IPPK: variants seen among roughly 807,000 people sequenced by gnomAD.
The protein encoded by IPPK is IPK1 homolog.
Under a neutral mutation model 64.6 loss-of-function variants are expected in IPPK, and 22 were observed. That is an observed-to-expected ratio of 0.34 (90% CI 0.24 to 0.49). IPPK has a LOEUF of 0.49. Among genes scored for constraint, IPPK ranks in the 20% least tolerant of loss-of-function variants. The pLI, the probability that IPPK is intolerant of heterozygous loss-of-function variation, is 0.99. For synonymous variants in IPPK, 262 were observed against 247.2 expected (o/e 1.06, Z -0.56); for missense variants, 532 against 630.7 (o/e 0.84, Z 1.68).
chr9:92,665,083 A>G (rs1433506513), intron 1 of IPPK, among the ~76,000 whole-genome samples: 1 of 152,214 alleles, frequency 6.6e-6, no homozygotes, highest in Non-Finnish European at 1.5e-5. Flanking sequence ...ACAGCTCTCC[A>G]ATGAGCTCAA....
intron 7 of IPPK, among the ~76,000 whole-genome samples, chr9:92,642,226 T>C (rs2131442712): frequency 6.6e-6 from 1 of 152,378 alleles, no homozygotes; most frequent in South Asian, 2.1e-4. Context: ...GACCGGACTC[T>C]GGGCTGCCCC....
rs373941163 is a variant in IPPK, at chr9:92,619,512, T to C, written c.1224A>G (p.Ala408=). 6.3e-7 allele frequency: 1 copy of C among 1,593,248 alleles called. No individual in the cohort carries two copies. Among genetic ancestry groups the C allele is most frequent in the Non-Finnish European group, 8.5e-7 (1 of 1,170,332 alleles). The change falls in exon 12 of 13, where the codon GCA becomes GCG. Residue 408 remains alanine, a synonymous_variant. Transcript: ENST00000287996. ...MTAKDCSIMI[A]LSPCLQDASS... ...TGGCATCCTGCAGACAGGGAGACAG[T>C]GCAATCATGATGGAGCAGTCCTTGG...
chr9:92,658,628 T>A lies in IPPK; in HGVS notation c.129+6A>T. The A allele has an allele frequency of 6.2e-7, 1 of 1,612,786 alleles. No homozygotes were observed. On this transcript the variant is annotated splice_donor_region_variant and intron_variant, in intron 2 of 12. Transcript: ENST00000287996. ...GTAAGTCTGGGTGCAAACCCACCCA[T>A]CTTACCTTCTTCCTATTTGGAGGAA...
chr9:92,634,371 GA>G lies in IPPK; in HGVS notation c.1170+14del. Reference sequence around the variant, plus strand: ...CTAAGGATCACACAGCAAGTTTTTGGATGGGTCTGCCCACCTTCGTTAGCGC... The same window carrying G: ...CTAAGGATCACACAGCAAGTTTTTGGTGGGTCTGCCCACCTTCGTTAGCGC... On this transcript the variant is annotated intron_variant, in intron 11 of 12. Transcript: ENST00000287996. 1 of 1,591,710 alleles carries G rather than the reference GA, an allele frequency of 6.3e-7. No individual in the cohort carries two copies. Among genetic ancestry groups the G allele is most frequent in the Non-Finnish European group, 8.6e-7 (1 of 1,160,616 alleles).
intron 4 of IPPK, 27 bp downstream of exon 4, chr9:92,652,546 C>A (rs7857502): frequency 3.2e-6 from 4 of 1,236,660 alleles, no homozygotes; most frequent in Non-Finnish European, 3.4e-6. Context: ...AAATTACAAA[C>A]AATATCTGTA....
At chr9:92,619,747 C>A in intron 11 of IPPK, 182 bp from the exon 12 acceptor site, 1 of 621,474 alleles carries the variant, frequency 1.6e-6, no homozygotes, top group Non-Finnish European at 2.9e-6. Context: ...AGCACCTGGG[C>A]CAGCCCTCAG....
chr9:92,626,595 T>C (rs187098761), intron 11 of IPPK, among the ~76,000 whole-genome samples: 4 of 152,230 alleles, frequency 2.6e-5, no homozygotes, highest in Non-Finnish European at 4.4e-5. Context: ...AGGTTTGACA[T>C]AGGTCAAATT....
chr9:92,668,125 G>A (rs1852638698), intron 1 of IPPK, among the ~76,000 whole-genome samples: 1 of 151,206 alleles, frequency 6.6e-6, no homozygotes, highest in Non-Finnish European at 1.5e-5. Context: ...AAAATTAGCT[G>A]GGCACGGTAG....
chr9:92,649,671 G>A, intron 4 of IPPK, 97 bp from the exon 5 acceptor site: 1 of 1,419,466 alleles, frequency 7.0e-7, no homozygotes, highest in Non-Finnish European at 9.7e-7. Context: ...TGGTTCCAGG[G>A]GGCATCTCTG....
chr9:92,631,141 A>C (rs115390592), intron 11 of IPPK, among the ~76,000 whole-genome samples: 169 of 152,026 alleles, frequency 1.1e-3, no homozygotes, highest in African/African-American at 3.8e-3. Context: ...CAGTCTCCTG[A>C]GCACTGAAAT....
intron 3 of IPPK, among the ~76,000 whole-genome samples, chr9:92,656,072 A>C (rs117809534): frequency 0.04 from 6,041 of 152,018 alleles, 185 homozygotes; most frequent in South Asian, 0.11. Context: ...TGATAAGCCG[A>C]CCCCAGGACA....
chr9:92,668,333 G>T (rs1328762370), intron 1 of IPPK, among the ~76,000 whole-genome samples: 1 of 152,156 alleles, frequency 6.6e-6, no homozygotes, highest in Non-Finnish European at 1.5e-5. Flanking sequence ...GGTAGGGCCA[G>T]GCTGCCCTGG....
At chr9:92,646,776 T>G (rs1364599980) in intron 6 of IPPK, among the ~76,000 whole-genome samples, 1 of 152,076 alleles carries the variant, frequency 6.6e-6, no homozygotes, top group East Asian at 1.9e-4. Context: ...ACTAACATGG[T>G]GAAACCCCGT....
rs1374043978 is a variant in IPPK at position 92,642,758 on chromosome 9, T to G, written c.557A>C (p.Tyr186Ser). Residue 186 changes from tyrosine to serine, a missense_variant, in exon 7 of 13, where the codon TAC becomes TCC. By Grantham distance (144) the Tyr-to-Ser change is moderately radical. Coordinates refer to ENST00000287996, the MANE Select transcript of IPPK (RefSeq NM_022755.6). ...QISKYCPLDL[Y>S]SGNKQRMHFA... ...AGGAGAAGTGTTCTCTTACCCTGAG[T>G]AGAGATCAAGGGGACAGTATTTGCT... The G allele has an allele frequency of 1.2e-6, 2 of 1,613,214 alleles. No homozygotes were observed. The highest frequency in any genetic ancestry group is 1.7e-5 in the Admixed American group (1 of 59,996).
chr9:92,664,211 G>A (rs1852547079), intron 1 of IPPK, among the ~76,000 whole-genome samples: 1 of 152,234 alleles, frequency 6.6e-6, no homozygotes, highest in Admixed American at 6.5e-5. Flanking sequence ...CAAGAAGCAG[G>A]GCTTACGGTA....
Position 92,638,147 on chromosome 9 carries a change from A to G in IPPK, c.770T>C (p.Val257Ala). 4 of 1,614,220 alleles carry G rather than the reference A, an allele frequency of 2.5e-6. No homozygotes were observed. Among genetic ancestry groups the G allele is most frequent in the Non-Finnish European group, 3.4e-6 (4 of 1,180,044 alleles). Reference protein sequence around the residue: ...LASGPHCTRAVIRELVHVITR... With the variant: ...LASGPHCTRAAIRELVHVITR... ...GATCACGTGCACCAGCTCCCTGATCACAGCCCTTGTGCAGTGGGGCCCACT... is the reference window on the plus strand; with the variant it reads ...GATCACGTGCACCAGCTCCCTGATCGCAGCCCTTGTGCAGTGGGGCCCACT... The change falls in exon 9 of 13, where the codon GTG (valine) becomes GCG (alanine). Residue 257 changes from valine to alanine, a missense_variant. By Grantham distance (64) the Val-to-Ala change is moderately conservative (BLOSUM62 0). Coordinates refer to ENST00000287996, the MANE Select transcript of IPPK (RefSeq NM_022755.6).
In IPPK at chr9:92,652,178, G is replaced by A. The variant is rs572737794; in HGVS notation, c.292+395C>T. ...GAATTACTGAAAACTGGCTGGGCAC[G>A]GTGGCTCACGCCTATAATCCCAGCA... On this transcript the variant is annotated intron_variant, in intron 4 of 12. Transcript: ENST00000287996. 4.6e-5 allele frequency among the ~76,000 whole-genome samples: 7 copies of A among 151,974 alleles called. No homozygotes were observed. In the South Asian group the frequency reaches 1.5e-3, roughly 32 times the overall value.
chr9:92,639,893 C>T (rs1852013484), intron 8 of IPPK, among the ~76,000 whole-genome samples: 1 of 152,172 alleles, frequency 6.6e-6, no homozygotes, highest in Non-Finnish European at 1.5e-5. Flanking sequence ...CAAGAGCAGG[C>T]GCCATCTGCC....
intron 11 of IPPK, among the ~76,000 whole-genome samples, chr9:92,629,052 C>T (rs959339987): frequency 1.2e-4 from 19 of 152,190 alleles, no homozygotes; most frequent in African/African-American, 4.3e-4. Flanking sequence ...CACACCACTG[C>T]ACTTCAGCCT....
Sources: allele counts gnomAD v4.1 joint callset (sites outside exome capture counted in the v4.1 genomes callset), GRCh38; gene constraint gnomAD v4.1.1; transcripts MANE v1.5; gene names NCBI Gene and HGNC (gene_info 2026-07-23, HGNC 2026-07-21).